Variants in DLG5 observed in about 807,000 individuals in gnomAD.
The protein encoded by DLG5 is disks large homolog 5.
Under a neutral mutation model 189.8 loss-of-function variants are expected in DLG5, and 48 were observed. That is an observed-to-expected ratio of 0.25 (90% CI 0.20 to 0.32). The LOEUF is 0.32. Ranked by LOEUF, DLG5 falls within the 10% of genes least tolerant of loss-of-function variation. The pLI, the probability that DLG5 is intolerant of heterozygous loss-of-function variation, is 1.00. For synonymous variants in DLG5, 1,016 were observed against 1,054.1 expected, an observed-to-expected ratio of 0.96 and a Z score of 0.70; for missense variants, 2,160 against 2,544.7, an observed-to-expected ratio of 0.85 and a Z score of 3.25.
At chr10:77,916,292 A>T (rs1422619280) in intron 1 of DLG5, among the ~76,000 whole-genome samples, 1 of 151,972 alleles carries the variant, frequency 6.6e-6, no homozygotes, top group Non-Finnish European at 1.5e-5. Flanking sequence ...GGAAGAAAAA[A>T]AATTTTTTTT....
chr10:77,891,125 T>C (rs1281896311), intron 1 of DLG5, among the ~76,000 whole-genome samples: 2 of 152,158 alleles, frequency 1.3e-5, no homozygotes, highest in African/African-American at 2.4e-5. Context: ...TACCCAGGAA[T>C]GACCTGCTCC....
rs984551480 is a variant in DLG5 at position 77,794,963 on chromosome 10, G to A, written c.5437-5C>T. 4.3e-6 allele frequency: 7 copies of A among 1,612,848 alleles called. No individual in the cohort carries two copies. Among genetic ancestry groups the A allele is most frequent in the Non-Finnish European group, 5.9e-6 (7 of 1,179,466 alleles). On this transcript the variant is annotated splice_polypyrimidine_tract_variant and splice_region_variant and intron_variant, in intron 29 of 31. Transcript: ENST00000372391. ...GTCCAGGAGGCAGTGTCGGTTCTGGGGTGGGGGGTGCAGAGTGAGCCCTGG... is the reference window on the plus strand; with the variant it reads ...GTCCAGGAGGCAGTGTCGGTTCTGGAGTGGGGGGTGCAGAGTGAGCCCTGG...
intron 7 of DLG5, among the ~76,000 whole-genome samples, chr10:77,840,687 T>G (rs1843373948): frequency 6.6e-6 from 1 of 152,060 alleles, no homozygotes; most frequent in African/African-American, 2.4e-5. Context: ...CCACTGCACT[T>G]CAGGCTGGGC....
At chr10:77,926,877 C>A (rs1484170156), upstream of DLG5, 3 of 321,760 alleles carry the variant, frequency 9.3e-6, no homozygotes, top group South Asian at 4.4e-5. The surrounding 1 kb of genome is among the most constrained non-coding windows in gnomAD (Gnocchi z 5.2). Context: ...AGCCTCCGCG[C>A]GCGCCGCCCG....
chr10:77,826,705 T>G (rs2154575811), intron 13 of DLG5, among the ~76,000 whole-genome samples: 1 of 152,156 alleles, frequency 6.6e-6, no homozygotes, highest in African/African-American at 2.4e-5. Context: ...CCCAGCACTT[T>G]GAGAGGCCAA....
At chr10:77,939,386 A>G in the DLG5 span, among the ~76,000 whole-genome samples, 1 of 152,152 alleles carries the variant, frequency 6.6e-6, no homozygotes, top group Non-Finnish European at 1.5e-5. Flanking sequence ...AGCCAGAAAC[A>G]GCTGGCTAGA....
chr10:77,879,844 G>A (rs925561250), intron 1 of DLG5, among the ~76,000 whole-genome samples: 36 of 151,912 alleles, frequency 2.4e-4, no homozygotes, highest in African/African-American at 8.0e-4. Context: ...ATGAGTTCCC[G>A]CGGGGCCTGG....
At chr10:77,890,504 A>C (rs183192614) in intron 1 of DLG5, among the ~76,000 whole-genome samples, 1 of 152,286 alleles carries the variant, frequency 6.6e-6, no homozygotes, top group East Asian at 1.9e-4. Flanking sequence ...ATAATGGCAC[A>C]CAGAGGATGA....
chr10:77,807,052 G>T, intron 25 of DLG5, 124 bp from the exon 26 acceptor site: 1 of 1,092,354 alleles, frequency 9.2e-7, no homozygotes, highest in Non-Finnish European at 1.3e-6. Flanking sequence ...AACTTGATCA[G>T]GAATCGCCGA....
chr10:77,883,373 G>T (rs540366018), intron 1 of DLG5, among the ~76,000 whole-genome samples: 1 of 152,264 alleles, frequency 6.6e-6, no homozygotes, highest in South Asian at 2.1e-4. Context: ...AAAGGAGGAG[G>T]AATGAGATCG....
At position 77,817,783 on chromosome 10, in the gene DLG5, G is replaced by A. The variant is rs749257635; in HGVS notation, c.3778C>T (p.Arg1260Cys). 1.0e-5 allele frequency: 16 copies of A among 1,553,278 alleles called. No homozygotes were observed. The highest frequency in any genetic ancestry group is 4.8e-5 in the South Asian group (4 of 84,186). ...HGSNSLPSSA[R>C]LGSSSNLQFK... Reference sequence around the variant, plus strand: ...GTCCAAGTGGTGCAGTTACCCAGGCGGGCGCTGGAGGGCAGTGAGTTGGAC... The same window carrying A: ...GTCCAAGTGGTGCAGTTACCCAGGCAGGCGCTGGAGGGCAGTGAGTTGGAC... Residue 1260 changes from arginine to cysteine, a missense_variant, in exon 18 of 32, where the codon CGC becomes TGC. By Grantham distance (180) the Arg-to-Cys change is radical. Coordinates refer to ENST00000372391, the MANE Select transcript of DLG5 (RefSeq NM_004747.4).
In DLG5 at chr10:77,846,176, C is replaced by T. The variant is rs1207957958; in HGVS notation, c.865-2470G>A. On this transcript the variant is annotated intron_variant, in intron 5 of 31. Coordinates refer to ENST00000372391, the MANE Select transcript of DLG5 (RefSeq NM_004747.4). ...AGGAGAATTGCTTGAACCCAGGATG[C>T]GGAGGTGGCAGTGAGCCGAGATCAC... is the stretch of plus-strand genomic sequence containing the variant. Among the ~76,000 whole-genome samples, 23 of 151,730 alleles carry T rather than the reference C, an allele frequency of 1.5e-4. No individual in the cohort carries two copies. The East Asian group carries it at 2.7e-3, about 18-fold the overall frequency.
intron 9 of DLG5, among the ~76,000 whole-genome samples, chr10:77,833,665 A>G (rs1842982717): frequency 6.6e-6 from 1 of 152,244 alleles, no homozygotes. Context: ...GCCTTGGCAC[A>G]TGGTGCCTGC....
In DLG5 at chr10:77,835,752, C is replaced by T. The variant is rs745567071; in HGVS notation, c.1608G>A (p.Glu536=). ...TCACCCCATACCGGATGCTGTCACG[C>T]TCTGCTACAATCTTGTCTCGCTCCT... ...AFQERDKIVA[E]RDSIRTLCDN... Residue 536 remains glutamate (E), a synonymous_variant, in exon 8 of 32, where the codon GAG becomes GAA. Coordinates refer to ENST00000372391, the MANE Select transcript of DLG5 (RefSeq NM_004747.4). The T allele has an allele frequency of 3.7e-6, 6 of 1,612,108 alleles. No individual in the cohort carries two copies. In the South Asian group the frequency reaches 5.5e-5, roughly 15 times the overall value.
chr10:77,903,883 T>G (rs1196283530), intron 1 of DLG5, among the ~76,000 whole-genome samples: 1 of 152,218 alleles, frequency 6.6e-6, no homozygotes. Context: ...CAGGAAGGAC[T>G]GCAGATGGCA....
chr10:77,809,812 G>A (rs1052650700), intron 23 of DLG5, 82 bp from the exon 24 acceptor site: 34 of 1,466,788 alleles, frequency 2.3e-5, no homozygotes, highest in African/African-American at 1.4e-4. Context: ...TGCCCTAACC[G>A]CTTTCTGCCT....
chr10:77,821,884 A>G lies in DLG5; in HGVS notation c.2600T>C (p.Phe867Ser). ...TCCCCCAGGGAATGGCTTATGCAGA[A>G]AGGAGCTGCTGCCTCCTGGGGGGCC... ...EPGPPGGSSS[F>S]LHKPFPGGPL... The change falls in exon 15 of 32, where the codon TTT becomes TCT. Residue 867 changes from phenylalanine (F) to serine (S), a missense_variant. Physicochemically the swap from Phe to Ser is radical, Grantham distance 155 (BLOSUM62 -2). Around this residue, in one of 5 missense-constraint regions of DLG5, gnomAD observed 754 missense variants for 746.5 expected, o/e 1.01. Coordinates refer to ENST00000372391, the MANE Select transcript of DLG5 (RefSeq NM_004747.4). 6.2e-7 allele frequency: 1 copy of G among 1,614,172 alleles called. No homozygotes were observed. The highest frequency in any genetic ancestry group is 8.5e-7 in the Non-Finnish European group (1 of 1,180,022).
chr10:77,807,303 C>A (rs990169660), intron 25 of DLG5, among the ~76,000 whole-genome samples: 31 of 152,300 alleles, frequency 2.0e-4, no homozygotes, highest in Non-Finnish European at 2.9e-5. Flanking sequence ...ACCCTAGAGA[C>A]AGGGAGTTGT....
intron 1 of DLG5, among the ~76,000 whole-genome samples, chr10:77,893,073 C>T (rs1016570386): frequency 2.0e-5 from 3 of 152,254 alleles, no homozygotes; most frequent in African/African-American, 7.2e-5. Flanking sequence ...GCGTGCTAGC[C>T]ATTTGACCAC....
Sources: allele counts gnomAD v4.1 joint callset (sites outside exome capture counted in the v4.1 genomes callset), GRCh38; gene constraint gnomAD v4.1.1; regional missense constraint gnomAD v4.1.1; non-coding constraint Gnocchi (gnomAD v3.1); transcripts MANE v1.5; gene names NCBI Gene and HGNC (gene_info 2026-07-23, HGNC 2026-07-21).